Variants in NECAB1 observed in about 807,000 individuals in gnomAD.
NECAB1 encodes the protein N-terminal EF-hand calcium binding protein 1, also known as N-terminal EF-hand calcium-binding protein 1.
A neutral mutation model predicts 57.5 loss-of-function variants in NECAB1; 29 were observed. The observed-to-expected ratio is 0.50, with a 90% confidence interval of 0.38 to 0.69. NECAB1 has a LOEUF of 0.69. NECAB1 is among the 30% of genes least tolerant of loss of function. The pLI is 0.00. For missense variants in NECAB1, 372 were observed against 413.8 expected (o/e 0.90, Z 0.88); for synonymous variants, 142 against 147.7 (o/e 0.96, Z 0.28).
intron 12 of NECAB1, among the ~76,000 whole-genome samples, 197 bp downstream of exon 12, chr8:90,951,401 C>T (rs753785355): frequency 1.3e-5 from 2 of 151,964 alleles, no homozygotes; most frequent in Non-Finnish European, 2.9e-5. Flanking sequence ...CCTTAGTTGA[C>T]CCTATTTGTA....
chr8:90,922,256 C>T (rs1403976576), intron 6 of NECAB1, among the ~76,000 whole-genome samples: 4 of 152,128 alleles, frequency 2.6e-5, no homozygotes, highest in African/African-American at 9.7e-5. Context: ...CACAAGTTTG[C>T]TCTATTTCCC....
At chr8:90,811,210 C>T (rs1217687329) in intron 2 of NECAB1, among the ~76,000 whole-genome samples, 2 of 152,122 alleles carry the variant, frequency 1.3e-5, no homozygotes, top group African/African-American at 4.8e-5. Context: ...CTCGGCCTCC[C>T]AAAGTACTGG....
chr8:90,914,362 G>A (rs1809901052), intron 5 of NECAB1, among the ~76,000 whole-genome samples: 1 of 152,290 alleles, frequency 6.6e-6, no homozygotes, highest in Non-Finnish European at 1.5e-5. Context: ...AAGAGAAGTG[G>A]TGGTTCAAGG....
At position 90,791,915 on chromosome 8, in the gene NECAB1, C is replaced by T; in HGVS notation, c.29C>T (p.Ser10Phe). 1 of 1,552,240 alleles carries T rather than the reference C, an allele frequency of 6.4e-7. No homozygotes were observed. The highest frequency in any genetic ancestry group is 8.7e-7 in the Non-Finnish European group (1 of 1,147,416). Residue 10 changes from serine (S) to phenylalanine (F), a missense_variant, in exon 1 of 13, where the codon TCC becomes TTC. Coordinates refer to ENST00000417640, the MANE Select transcript of NECAB1 (RefSeq NM_022351.5). ...GAAGATTCCCAGGAGACATCGCCGT[C>T]CTCCAACAACTCCTCGGAGGAGCTC... is the stretch of plus-strand genomic sequence containing the variant. The part of the protein sequence containing the change: MEDSQETSP[S>F]SNNSSEELSS...
chr8:90,903,812 C>G (rs1435037567), intron 5 of NECAB1: 1 of 152,124 alleles, frequency 6.6e-6, no homozygotes, highest in African/African-American at 2.4e-5. Context: ...AAAGAGGGAA[C>G]ACAAAGAAAT....
intron 3 of NECAB1, among the ~76,000 whole-genome samples, chr8:90,861,361 C>T (rs80042187): frequency 2.6e-5 from 4 of 152,082 alleles, no homozygotes; most frequent in Non-Finnish European, 4.4e-5. Flanking sequence ...TTCAAAGAAG[C>T]ATGCATGGAA....
chr8:90,855,040 TA>T (rs1418595727), intron 3 of NECAB1, among the ~76,000 whole-genome samples: 1 of 152,246 alleles, frequency 6.6e-6, no homozygotes, highest in Non-Finnish European at 1.5e-5. Context: ...CCTAGGCATC[TA>T]TATGCCCAAG....
chr8:90,793,834 C>T (rs1487194222), intron 1 of NECAB1, among the ~76,000 whole-genome samples: 1 of 152,222 alleles, frequency 6.6e-6, no homozygotes, highest in Non-Finnish European at 1.5e-5. Context: ...AATGGAAAGT[C>T]ATCCTCCTGA....
intron 3 of NECAB1, among the ~76,000 whole-genome samples, chr8:90,855,726 A>T (rs975158801): frequency 6.6e-6 from 1 of 151,998 alleles, no homozygotes; most frequent in African/African-American, 2.4e-5. Flanking sequence ...CTCTGGAGGG[A>T]TATTTGAGGG....
At chr8:90,819,318 C>T (rs1812106375) in intron 2 of NECAB1, among the ~76,000 whole-genome samples, 1 of 151,840 alleles carries the variant, frequency 6.6e-6, no homozygotes, top group Admixed American at 6.6e-5. Flanking sequence ...CATGTTTTGT[C>T]TCTTCAGACT....
intron 3 of NECAB1, among the ~76,000 whole-genome samples, chr8:90,833,050 TTATATC>T (rs1812317417): frequency 6.6e-6 from 1 of 152,192 alleles, no homozygotes; most frequent in Non-Finnish European, 1.5e-5. Flanking sequence ...TCTTCTCTTT[TTATATC>T]TATTATGTAG....
At chr8:90,854,290 T>C (rs773771420) in intron 3 of NECAB1, among the ~76,000 whole-genome samples, 59 of 151,912 alleles carry the variant, frequency 3.9e-4, no homozygotes, top group Non-Finnish European at 7.2e-4. Context: ...AGAAAGGGAG[T>C]GTTGGGATAA....
intron 3 of NECAB1, among the ~76,000 whole-genome samples, chr8:90,852,078 G>T (rs1022362685): frequency 6.6e-6 from 1 of 152,130 alleles, no homozygotes; most frequent in Non-Finnish European, 1.5e-5. Context: ...TAGAAAGTGG[G>T]TATTGTTTTT....
At chr8:90,852,785 C>G (rs1056594753) in intron 3 of NECAB1, among the ~76,000 whole-genome samples, 1 of 152,166 alleles carries the variant, frequency 6.6e-6, no homozygotes, top group African/African-American at 2.4e-5. Flanking sequence ...TTTCAACTCC[C>G]CTTCCCACTG....
chr8:90,813,704 T>A (rs1812010449), intron 2 of NECAB1, among the ~76,000 whole-genome samples: 1 of 152,086 alleles, frequency 6.6e-6, no homozygotes, highest in African/African-American at 2.4e-5. Context: ...TTTTTAAATT[T>A]TTTTTGTAGA....
At chr8:90,916,355 A>G (rs989907247) in intron 5 of NECAB1, among the ~76,000 whole-genome samples, 3 of 152,204 alleles carry the variant, frequency 2.0e-5, no homozygotes, top group Non-Finnish European at 4.4e-5. Flanking sequence ...TTGAGTTGGA[A>G]TGTATGCCAG....
intron 10 of NECAB1, among the ~76,000 whole-genome samples, chr8:90,945,930 G>A (rs1244706040): frequency 6.6e-6 from 1 of 152,228 alleles, no homozygotes; most frequent in East Asian, 1.9e-4. Flanking sequence ...TGTTTCGGGT[G>A]AGTAGAATCA....
At chr8:90,851,798 G>C (rs1586058560) in intron 3 of NECAB1, among the ~76,000 whole-genome samples, 1 of 151,938 alleles carries the variant, frequency 6.6e-6, no homozygotes, top group Non-Finnish European at 1.5e-5. Context: ...CAAATCCAAA[G>C]TTTACATTAG....
At chr8:90,815,974 C>G (rs948214243) in intron 2 of NECAB1, among the ~76,000 whole-genome samples, 6 of 151,892 alleles carry the variant, frequency 4.0e-5, no homozygotes, top group African/African-American at 1.2e-4. Context: ...AAATGTCTTC[C>G]AAAGTGGCTA....
Sources: gnomAD v4.1 joint callset for allele counts (sites outside exome capture counted in the v4.1 genomes callset) on GRCh38, gnomAD v4.1.1 for gene constraint, MANE v1.5 for transcripts, NCBI Gene and HGNC (gene_info 2026-07-23, HGNC 2026-07-21) for gene names.